The following SPIN1 variants were observed in gnomAD, a reference collection of about 807,000 sequenced individuals.
The protein encoded by SPIN1 is spindlin 1, also known as spindlin-1.
Under a neutral mutation model 26.0 loss-of-function variants are expected in SPIN1, and 3 were observed. The ratio of observed to expected loss-of-function variants is 0.12; its 90% CI spans 0.05 to 0.30. The LOEUF (loss-of-function observed/expected upper bound fraction) is 0.30, where lower values mean the gene tolerates loss of function less well. Ranked by LOEUF, SPIN1 falls within the 10% of genes least tolerant of loss-of-function variation. SPIN1 has a pLI of 1.00. For synonymous variants in SPIN1, 101 were observed against 116.5 expected, an observed-to-expected ratio of 0.87 and a Z score of 0.86; for missense variants, 126 against 333.4, an observed-to-expected ratio of 0.38 and a Z score of 4.84.
At chr9:88,400,225 C>T (rs1233841148) in intron 1 of SPIN1, among the ~76,000 whole-genome samples, 1 of 152,096 alleles carries the variant, frequency 6.6e-6, no homozygotes, top group Non-Finnish European at 1.5e-5. Flanking sequence ...AGTGAGGTGA[C>T]CCATGAGAAA....
chr9:88,472,597 A>G (rs569037591), intron 5 of SPIN1, among the ~76,000 whole-genome samples: 36 of 152,112 alleles, frequency 2.4e-4, no homozygotes, highest in East Asian at 1.7e-3. Context: ...GGTTCAGGCA[A>G]TTCGTCTACC....
Position 88,478,189 on chromosome 9 carries a change from A to G in SPIN1, c.*2912A>G, listed in dbSNP as rs776963993. Reference sequence around the variant, plus strand: ...CACAGTTACTTCTAAACCAGATTTCATTTCTTTTATTGTTTTATGTGCCAA... The same window carrying G: ...CACAGTTACTTCTAAACCAGATTTCGTTTCTTTTATTGTTTTATGTGCCAA... On this transcript the variant is annotated 3_prime_UTR_variant, in exon 6 of 6. Coordinates refer to ENST00000375859, the MANE Select transcript of SPIN1 (RefSeq NM_006717.3). 2.0e-5 allele frequency: 3 copies of G among 152,518 alleles called. No homozygotes were observed. The highest frequency in any genetic ancestry group is 2.9e-5 in the Non-Finnish European group (2 of 67,990). The allele number at this position is 152,518 out of a possible 1,614,324, so 9.4% of individuals were successfully genotyped here. A position where few individuals can be genotyped will look rare whatever the true frequency, so the allele number is the denominator to read the frequency against.
intron 3 of SPIN1, among the ~76,000 whole-genome samples, chr9:88,459,625 T>C (rs1442535265): frequency 6.6e-6 from 1 of 152,178 alleles, no homozygotes; most frequent in Non-Finnish European, 1.5e-5. Flanking sequence ...TGTGTTAAAT[T>C]TGAAATATCA....
rs1380345054 is a variant in SPIN1, at chr9:88,475,567, T to A, written c.*290T>A. The stretch of plus-strand genomic sequence containing the variant: ...CATAGTCATTTAAAATTGTAATAGA[T>A]CTTAACCATTTTCCCCCTCACCCTA... On this transcript the variant is annotated 3_prime_UTR_variant, in exon 6 of 6. Transcript: ENST00000375859. The A allele has an allele frequency of 3.8e-6, 1 of 261,936 alleles. No homozygotes were observed. Among genetic ancestry groups the A allele is most frequent in the African/African-American group, 2.2e-5 (1 of 45,288 alleles). 16.2% of individuals were successfully genotyped at this position (261,936 alleles called of 1,614,324 possible).
intron 5 of SPIN1, among the ~76,000 whole-genome samples, chr9:88,474,262 A>G (rs991862930): frequency 1.3e-5 from 2 of 152,218 alleles, no homozygotes; most frequent in African/African-American, 4.8e-5. Flanking sequence ...AAATAGAATT[A>G]TAATTGCCTA....
At chr9:88,427,939 T>C (rs1827794672) in intron 2 of SPIN1, among the ~76,000 whole-genome samples, 1 of 152,210 alleles carries the variant, frequency 6.6e-6, no homozygotes, top group Non-Finnish European at 1.5e-5. Context: ...GGTTAAGGAC[T>C]AAATGAGATG....
At chr9:88,402,760 T>A (rs1587773890) in intron 1 of SPIN1, among the ~76,000 whole-genome samples, 1 of 152,198 alleles carries the variant, frequency 6.6e-6, no homozygotes, top group African/African-American at 2.4e-5. Flanking sequence ...AATAGTGCTG[T>A]GGTAAACAGG....
rs182786095 is a variant in SPIN1, at chr9:88,430,625, T to C, written c.52+4034T>C. Reference sequence around the variant, plus strand: ...TAGAGGGTGAATGATTGAGGAAATATTTGAAAGTAATAATTTTATATTTTC... The same window carrying C: ...TAGAGGGTGAATGATTGAGGAAATACTTGAAAGTAATAATTTTATATTTTC... On this transcript the variant is annotated intron_variant, in intron 2 of 5. Coordinates refer to ENST00000375859, the MANE Select transcript of SPIN1 (RefSeq NM_006717.3). Among the ~76,000 whole-genome samples the C allele has an allele frequency of 2.1e-3, 324 of 152,330 alleles. 1 individual carries two copies. The highest frequency in any genetic ancestry group is 3.4e-3 in the Non-Finnish European group (232 of 68,028).
intron 3 of SPIN1, among the ~76,000 whole-genome samples, chr9:88,451,415 T>G (rs1828349130): frequency 6.6e-6 from 1 of 152,196 alleles, no homozygotes; most frequent in Non-Finnish European, 1.5e-5. Flanking sequence ...GCTGGGTTTG[T>G]GTTTTTTAAG....
chr9:88,436,024 G>A (rs1315015861), intron 2 of SPIN1, among the ~76,000 whole-genome samples: 1 of 152,122 alleles, frequency 6.6e-6, no homozygotes, highest in East Asian at 1.9e-4. Flanking sequence ...ATTTACCCAG[G>A]TACGAAGTTC....
chr9:88,411,666 G>A (rs930302574), intron 1 of SPIN1, among the ~76,000 whole-genome samples: 3 of 151,692 alleles, frequency 2.0e-5, no homozygotes, highest in African/African-American at 7.3e-5. Flanking sequence ...GGTATGCATC[G>A]GCATGCCTGA....
At chr9:88,398,284 C>T (rs1409202603) in intron 1 of SPIN1, among the ~76,000 whole-genome samples, 1 of 151,974 alleles carries the variant, frequency 6.6e-6, no homozygotes, top group Non-Finnish European at 1.5e-5. Flanking sequence ...GACTTTTCTG[C>T]AGTCAAGTCC....
chr9:88,428,213 G>A (rs528398975), intron 2 of SPIN1, among the ~76,000 whole-genome samples: 49 of 152,136 alleles, frequency 3.2e-4, no homozygotes, highest in Admixed American at 2.0e-3. Flanking sequence ...TCAGAGGTAC[G>A]TGTTCAGGTT....
intron 4 of SPIN1, among the ~76,000 whole-genome samples, 198 bp from the exon 5 acceptor site, chr9:88,468,174 T>C (rs1018880500): frequency 6.6e-6 from 1 of 152,194 alleles, no homozygotes; most frequent in African/African-American, 2.4e-5. Context: ...TTCTATTCTG[T>C]TGAATCCATC....
At chr9:88,428,608 A>G (rs1827805121) in intron 2 of SPIN1, among the ~76,000 whole-genome samples, 1 of 152,200 alleles carries the variant, frequency 6.6e-6, no homozygotes, top group Non-Finnish European at 1.5e-5. Context: ...GATGTGTAAT[A>G]TGGTATAAGT....
intron 5 of SPIN1, among the ~76,000 whole-genome samples, chr9:88,469,921 T>C (rs568164857): frequency 6.6e-6 from 1 of 152,320 alleles, no homozygotes; most frequent in South Asian, 2.1e-4. Context: ...CACAGTCGAT[T>C]TTAGAACATT....
intron 1 of SPIN1, chr9:88,410,940 A>G (rs1406200865): frequency 7.8e-6 from 9 of 1,160,300 alleles, no homozygotes; most frequent in Admixed American, 1.7e-5. Context: ...CTAACTTCAC[A>G]ATTGTTGCCA....
chr9:88,407,244 C>A (rs1411896213), intron 1 of SPIN1, among the ~76,000 whole-genome samples: 1 of 151,736 alleles, frequency 6.6e-6, no homozygotes, highest in East Asian at 2.0e-4. Flanking sequence ...TCAAGCCATT[C>A]TCCTGCCTCA....
At chr9:88,406,005 CTGTGTGTGTGTG>C (rs745317937) in intron 1 of SPIN1, among the ~76,000 whole-genome samples, 48 of 103,364 alleles carry the variant, frequency 4.6e-4, no homozygotes, top group East Asian at 6.6e-4. Context: ...GCTTGTGTGT[CTGTGTGTGTGTG>C]TGTGTGTGTG....
Sources: allele counts gnomAD v4.1 joint callset (sites outside exome capture counted in the v4.1 genomes callset), GRCh38; gene constraint gnomAD v4.1.1; transcripts MANE v1.5; gene names NCBI Gene and HGNC (gene_info 2026-07-23, HGNC 2026-07-21).